The following FAM227B variants were observed in gnomAD, a reference collection of about 807,000 sequenced individuals.
The protein encoded by FAM227B is protein FAM227B.
A neutral mutation model predicts 73.8 loss-of-function variants in FAM227B; 88 were observed. That is an observed-to-expected ratio of 1.19 (90% CI 1.00 to 1.42). The LOEUF is 1.42. FAM227B is among the 40% of genes most tolerant of loss of function. The probability of loss-of-function intolerance (pLI) is 0.00; values close to 1 mark genes in which losing one functional copy is unlikely to be tolerated. For synonymous variants in FAM227B, 210 were observed against 190.5 expected (o/e 1.10, Z -0.84); for missense variants, 632 against 590.9 (o/e 1.07, Z -0.72).
chr15:49,583,439 C>T (rs1220841908), intron 5 of FAM227B, among the ~76,000 whole-genome samples: 2 of 152,032 alleles, frequency 1.3e-5, no homozygotes, highest in African/African-American at 4.8e-5. Context: ...GCTACACTCC[C>T]ACCAGCACCA....
chr15:49,372,714 T>C (rs28374976), intron 11 of FAM227B, among the ~76,000 whole-genome samples: 63,794 of 151,958 alleles, frequency 0.42, 13,551 homozygotes, highest in African/African-American at 0.45. Flanking sequence ...TCTTAACATC[T>C]GAGAAAAAAG....
At chr15:49,437,648 G>T (rs2051229695) in intron 11 of FAM227B, among the ~76,000 whole-genome samples, 1 of 151,606 alleles carries the variant, frequency 6.6e-6, no homozygotes, top group Non-Finnish European at 1.5e-5. Flanking sequence ...ATCTTAGAAG[G>T]TTTGTATTCT....
At chr15:49,353,090 C>T (rs754418295) in intron 13 of FAM227B, among the ~76,000 whole-genome samples, 12 of 152,090 alleles carry the variant, frequency 7.9e-5, no homozygotes, top group Non-Finnish European at 1.6e-4. Context: ...GAAATGAGAA[C>T]GTCATCATTT....
intron 9 of FAM227B, among the ~76,000 whole-genome samples, chr15:49,553,217 G>A (rs956052307): frequency 6.6e-6 from 1 of 152,110 alleles, no homozygotes; most frequent in African/African-American, 2.4e-5. Flanking sequence ...GACTTGTGGA[G>A]GTAATTCTCT....
chr15:49,580,977 T>A (rs149553004), intron 5 of FAM227B, among the ~76,000 whole-genome samples: 1 of 151,868 alleles, frequency 6.6e-6, no homozygotes, highest in African/African-American at 2.4e-5. Context: ...TATGAGATTA[T>A]GTAAAGAGAT....
intron 11 of FAM227B, among the ~76,000 whole-genome samples, chr15:49,502,311 C>T (rs1001824548): frequency 1.3e-5 from 2 of 152,226 alleles, no homozygotes; most frequent in African/African-American, 2.4e-5. Flanking sequence ...CACTCAATAA[C>T]CTGTGAGAGC....
intron 11 of FAM227B, chr15:49,422,758 A>T: frequency 7.5e-7 from 1 of 1,336,848 alleles, no homozygotes; most frequent in Admixed American, 2.0e-5. Context: ...TTCATATTCA[A>T]TGAATTGTCT....
chr15:49,471,266 A>AC (rs1198039189), intron 11 of FAM227B, among the ~76,000 whole-genome samples: 1 of 25,800 alleles, frequency 3.9e-5, no homozygotes, highest in East Asian at 1.5e-3. Context: ...TGGGTGGATC[A>AC]CCTAGGTCAG....
intron 9 of FAM227B, among the ~76,000 whole-genome samples, chr15:49,560,757 A>G (rs2074187439): frequency 6.6e-6 from 1 of 152,184 alleles, no homozygotes; most frequent in South Asian, 2.1e-4. Context: ...TCCCACAAAG[A>G]ATTTTCATAT....
intron 11 of FAM227B, among the ~76,000 whole-genome samples, chr15:49,448,358 A>T: frequency 6.7e-6 from 1 of 148,608 alleles, no homozygotes; most frequent in South Asian, 2.1e-4. Context: ...TTTCCATTTA[A>T]CTCTTTTAAT....
intron 10 of FAM227B, among the ~76,000 whole-genome samples, chr15:49,525,227 G>A (rs1435275953): frequency 2.6e-5 from 4 of 152,080 alleles, no homozygotes; most frequent in Non-Finnish European, 5.9e-5. Context: ...AATCATGGGG[G>A]CAGGTTTTTC....
intron 11 of FAM227B, among the ~76,000 whole-genome samples, chr15:49,385,525 A>G (rs2046826072): frequency 6.6e-6 from 1 of 151,740 alleles, no homozygotes; most frequent in Non-Finnish European, 1.5e-5. Flanking sequence ...CCTTAAAACA[A>G]AAGCCCAATA....
intron 11 of FAM227B, chr15:49,487,307 A>G (rs1284666632): frequency 2.0e-5 from 3 of 151,962 alleles, no homozygotes; most frequent in African/African-American, 7.2e-5. Context: ...AATTAAATAC[A>G]TGAGTTTCTA....
chr15:49,505,407 G>C (rs1372679232), intron 11 of FAM227B, among the ~76,000 whole-genome samples: 1 of 151,948 alleles, frequency 6.6e-6, no homozygotes, highest in African/African-American at 2.4e-5. Flanking sequence ...ACACCAATTA[G>C]ATCTCAAAAA....
chr15:49,350,476 G>A (rs1424314755), intron 13 of FAM227B, among the ~76,000 whole-genome samples: 1 of 152,062 alleles, frequency 6.6e-6, no homozygotes, highest in Non-Finnish European at 1.5e-5. Context: ...ACTAATTCTC[G>A]ATCTGTTAAA....
At chr15:49,619,653 G>T (rs1049815754) in intron 1 of FAM227B, among the ~76,000 whole-genome samples, 3 of 152,160 alleles carry the variant, frequency 2.0e-5, no homozygotes, top group African/African-American at 7.2e-5. Context: ...TATTACATAC[G>T]ATAGCAACCC....
At chr15:49,581,881 T>C (rs1424632728) in intron 5 of FAM227B, among the ~76,000 whole-genome samples, 1 of 152,046 alleles carries the variant, frequency 6.6e-6, no homozygotes, top group Admixed American at 6.6e-5. Context: ...GTCTGCATAA[T>C]AACAAACTAA....
At chr15:49,420,509 C>A (rs1372857465) in intron 11 of FAM227B, among the ~76,000 whole-genome samples, 1 of 151,916 alleles carries the variant, frequency 6.6e-6, no homozygotes, top group Admixed American at 6.6e-5. Context: ...ACATATGTAT[C>A]CAGTTTGCCT....
At chr15:49,568,121 C>G (rs2074802724) in intron 9 of FAM227B, 124 bp downstream of exon 9, 1 of 762,580 alleles carries the variant, frequency 1.3e-6, no homozygotes, top group African/African-American at 1.8e-5. Context: ...TACTAATACT[C>G]TACACCAACT....
Sources: gnomAD v4.1 joint callset for allele counts (sites outside exome capture counted in the v4.1 genomes callset) on GRCh38, gnomAD v4.1.1 for gene constraint, MANE v1.5 for transcripts, NCBI Gene and HGNC (gene_info 2026-07-23, HGNC 2026-07-21) for gene names.